TNFSF4: variants seen among roughly 807,000 people sequenced by gnomAD.
The protein encoded by TNFSF4 is TNF superfamily member 4.
A neutral mutation model predicts 7.3 loss-of-function variants in TNFSF4; 4 were observed. That is an observed-to-expected ratio of 0.55 (90% CI 0.27 to 1.25). The LOEUF is 1.25. TNFSF4 is among the 50% of genes most tolerant of loss of function. The pLI, the probability that TNFSF4 is intolerant of heterozygous loss-of-function variation, is 0.12. For missense variants in TNFSF4, 181 were observed against 208.8 expected, an observed-to-expected ratio of 0.87 and a Z score of 0.82; for synonymous variants, 76 against 83.7, an observed-to-expected ratio of 0.91 and a Z score of 0.50.
the TNFSF4 span, among the ~76,000 whole-genome samples, chr1:173,311,697 C>T: frequency 1.1e-4 from 17 of 152,130 alleles, no homozygotes; most frequent in African/African-American, 3.9e-4. Context: ...AAGAGTCAAC[C>T]AGGTAGAGCA....
the TNFSF4 span, among the ~76,000 whole-genome samples, chr1:173,425,086 C>CCT: frequency 6.6e-6 from 1 of 152,152 alleles, no homozygotes; most frequent in Non-Finnish European, 1.5e-5. Flanking sequence ...CACATATGAC[C>CCT]CTGCAGCTAA....
intron 1 of TNFSF4, among the ~76,000 whole-genome samples, chr1:173,193,002 C>T (rs140639396): frequency 1.3e-5 from 2 of 152,074 alleles, no homozygotes; most frequent in African/African-American, 4.8e-5. Flanking sequence ...CTACATAATA[C>T]TATATAAACT....
At chr1:173,231,457 T>A in the TNFSF4 span, among the ~76,000 whole-genome samples, 2 of 152,054 alleles carry the variant, frequency 1.3e-5, no homozygotes, top group South Asian at 4.1e-4. Context: ...AAAATAATAA[T>A]AGCTATTTAT....
chr1:173,404,621 ATCCCTGACTGCCAT>A, the TNFSF4 span, among the ~76,000 whole-genome samples: 14 of 141,730 alleles, frequency 9.9e-5, no homozygotes, highest in South Asian at 3.0e-3. Flanking sequence ...CAATAAGGCC[ATCCCTGACTGCCAT>A]TTTTTTTTTT....
At chr1:173,391,044 C>G in the TNFSF4 span, among the ~76,000 whole-genome samples, 3 of 152,040 alleles carry the variant, frequency 2.0e-5, no homozygotes, top group Non-Finnish European at 4.4e-5. Context: ...CTGCGCCCAG[C>G]CTTCAACATT....
At chr1:173,359,530 A>AAAAAC in the TNFSF4 span, among the ~76,000 whole-genome samples, 1 of 21,306 alleles carries the variant, frequency 4.7e-5, no homozygotes, top group African/African-American at 1.2e-4. Flanking sequence ...AAAAAAAAAA[A>AAAAAC]AAAAAAAAAA....
chr1:173,354,186 A>C, the TNFSF4 span, among the ~76,000 whole-genome samples: 2 of 152,208 alleles, frequency 1.3e-5, no homozygotes. Context: ...CCGAAATTCA[A>C]AAACCATCAG....
intron 1 of TNFSF4, among the ~76,000 whole-genome samples, chr1:173,204,658 C>T (rs1650096439): frequency 6.6e-6 from 1 of 152,106 alleles, no homozygotes; most frequent in African/African-American, 2.4e-5. Context: ...AGCATTTCAG[C>T]TCTATTTCAC....
At chr1:173,209,350 T>C (rs996947963), upstream of TNFSF4, among the ~76,000 whole-genome samples, 1 of 152,176 alleles carries the variant, frequency 6.6e-6, no homozygotes, top group Admixed American at 6.5e-5. Context: ...TTTGAACAAA[T>C]GAAATCACTA....
At chr1:173,341,583 C>T in the TNFSF4 span, among the ~76,000 whole-genome samples, 1 of 152,182 alleles carries the variant, frequency 6.6e-6, no homozygotes, top group Non-Finnish European at 1.5e-5. Flanking sequence ...CACTTACTAG[C>T]TTGTGCCTCT....
the TNFSF4 span, among the ~76,000 whole-genome samples, chr1:173,365,251 T>C: frequency 1.3e-5 from 2 of 152,206 alleles, no homozygotes; most frequent in East Asian, 1.9e-4. Flanking sequence ...ATTTCTATAA[T>C]ACTATTTTCT....
At chr1:173,364,402 T>TATACAC in the TNFSF4 span, among the ~76,000 whole-genome samples, 1 of 147,546 alleles carries the variant, frequency 6.8e-6, no homozygotes, top group East Asian at 2.0e-4. Flanking sequence ...TATATATATA[T>TATACAC]ACACACACAC....
chr1:173,174,925 T>C, the TNFSF4 span, among the ~76,000 whole-genome samples: 1 of 152,232 alleles, frequency 6.6e-6, no homozygotes, highest in African/African-American at 2.4e-5. Flanking sequence ...TTGGTAATAA[T>C]GTAAAAAATA....
the TNFSF4 span, among the ~76,000 whole-genome samples, chr1:173,427,475 C>G: frequency 1.3e-5 from 2 of 151,976 alleles, no homozygotes; most frequent in Admixed American, 6.5e-5. Flanking sequence ...GTGATGAAGT[C>G]AAGAAACCCT....
At chr1:173,340,027 T>C in the TNFSF4 span, among the ~76,000 whole-genome samples, 23 of 152,156 alleles carry the variant, frequency 1.5e-4, no homozygotes, top group African/African-American at 5.3e-4. Context: ...CCCTTTACTA[T>C]GATGTGAGTG....
At chr1:173,351,715 G>A in the TNFSF4 span, 13 of 420,124 alleles carry the variant, frequency 3.1e-5, no homozygotes, top group Non-Finnish European at 4.7e-5. Context: ...ATGCCTAACC[G>A]AAAGGATAAT....
chr1:173,327,412 C>T, the TNFSF4 span, among the ~76,000 whole-genome samples: 1 of 151,454 alleles, frequency 6.6e-6, no homozygotes, highest in Admixed American at 6.6e-5. Context: ...AGAAGAAAAC[C>T]TAGGCAATAC....
At chr1:173,250,414 A>G in the TNFSF4 span, among the ~76,000 whole-genome samples, 1 of 152,014 alleles carries the variant, frequency 6.6e-6, no homozygotes, top group East Asian at 1.9e-4. Flanking sequence ...GCTACCAGCC[A>G]TACTGTCTTA....
chr1:173,248,674 A>C, the TNFSF4 span, among the ~76,000 whole-genome samples: 1 of 152,216 alleles, frequency 6.6e-6, no homozygotes, highest in Admixed American at 6.5e-5. Context: ...AAAAGACAAG[A>C]GAGGCAGGCG....
Sources: gnomAD v4.1 joint callset for allele counts (sites outside exome capture counted in the v4.1 genomes callset) on GRCh38, gnomAD v4.1.1 for gene constraint, MANE v1.5 for transcripts, NCBI Gene and HGNC (gene_info 2026-07-23, HGNC 2026-07-21) for gene names.